The following GGT7 variants were observed in gnomAD, a reference collection of about 807,000 sequenced individuals.
GGT7 encodes the protein gamma-glutamyltransferase 7, also known as glutathione hydrolase 7.
In GGT7, 30 loss-of-function variants were observed where a neutral mutation model predicts 69.2. The ratio of observed to expected loss-of-function variants is 0.43; its 90% CI spans 0.32 to 0.59. The LOEUF is 0.59. Ranked by LOEUF, GGT7 falls within the 20% of genes least tolerant of loss-of-function variation. GGT7 has a pLI of 0.05. For missense variants in GGT7, 733 were observed against 901.1 expected, an observed-to-expected ratio of 0.81 and a Z score of 2.39; for synonymous variants, 388 against 391.8, an observed-to-expected ratio of 0.99 and a Z score of 0.12.
In GGT7 at chr20:34,862,843, G is replaced by C. The variant is rs774421001; in HGVS notation, c.528C>G (p.Ile176Met). Residue 176 changes from isoleucine (I) to methionine (M), a missense_variant, in exon 3 of 15, where the codon ATC becomes ATG. Physicochemically the swap from Ile to Met is conservative, Grantham distance 10. Transcript: ENST00000336431. ...CCAGGCCAGAACTGTGTGGAGCCACGATACCCAAACACAAGGCTGCTGCCA... is the reference window on the plus strand; with the variant it reads ...CCAGGCCAGAACTGTGTGGAGCCACCATACCCAAACACAAGGCTGCTGCCA... ...AAVAAALCLG[I>M]VAPHSSGLGG... 1.2e-5 allele frequency: 19 copies of C among 1,614,002 alleles called. No homozygotes were observed. In the Admixed American group the frequency reaches 2.2e-4, roughly 18 times the overall value.
intron 1 of GGT7, among the ~76,000 whole-genome samples, chr20:34,867,266 A>G (rs2079707140): frequency 6.6e-6 from 1 of 152,214 alleles, no homozygotes; most frequent in Non-Finnish European, 1.5e-5. Context: ...TTTTGAACTT[A>G]TATTTATTGA....
chr20:34,857,036 A>G, intron 7 of GGT7, 143 bp from the exon 8 acceptor site: 1 of 669,856 alleles, frequency 1.5e-6, no homozygotes, highest in Non-Finnish European at 2.7e-6. Context: ...TAGAGACCCC[A>G]TTATCCCTAG....
intron 2 of GGT7, 34 bp from the exon 3 acceptor site, chr20:34,862,999 A>G: frequency 6.3e-7 from 1 of 1,594,838 alleles, no homozygotes. Context: ...TGGGGGCAGG[A>G]GGAGCTGTCC....
chr20:34,845,529 A>T (rs1271862150), intron 14 of GGT7, 38 bp from the exon 15 acceptor site: 1 of 1,578,984 alleles, frequency 6.3e-7, no homozygotes, highest in Non-Finnish European at 8.7e-7. Context: ...TTCAGAATGT[A>T]CAGAGCACTA....
rs1319506689 is a variant in GGT7, at chr20:34,863,295, C to T, written c.405+18G>A. Reference sequence around the variant, plus strand: ...CCCACTCCCCAGTTTCCTCCCCCTCCCCATTTGTCCCCCTCACCTGGGGGT... The same window carrying T: ...CCCACTCCCCAGTTTCCTCCCCCTCTCCATTTGTCCCCCTCACCTGGGGGT... On this transcript the variant is annotated intron_variant, in intron 2 of 14. Transcript: ENST00000336431. The surrounding 1 kb of genome is among the most constrained non-coding windows in gnomAD (Gnocchi z 4.4). The T allele has an allele frequency of 1.9e-6, 3 of 1,566,870 alleles. No homozygotes were observed. The highest frequency in any genetic ancestry group is 2.2e-5 in the South Asian group (2 of 89,198).
chr20:34,857,875 T>TCC (rs1383776285), intron 7 of GGT7, among the ~76,000 whole-genome samples: 11 of 152,224 alleles, frequency 7.2e-5, no homozygotes, highest in Admixed American at 1.3e-4. Flanking sequence ...CATCTTGGCC[T>TCC]CCCAAAGTGG....
At chr20:34,862,125 C>T (rs1305503036) in intron 3 of GGT7, among the ~76,000 whole-genome samples, 1 of 152,042 alleles carries the variant, frequency 6.6e-6, no homozygotes, top group African/African-American at 2.4e-5. Flanking sequence ...CAAACTAAGG[C>T]AAGCAGGACA....
chr20:34,849,685 G>A (rs914657452), intron 14 of GGT7, among the ~76,000 whole-genome samples: 2 of 152,220 alleles, frequency 1.3e-5, no homozygotes, highest in Non-Finnish European at 2.9e-5. Flanking sequence ...AAACTGTTGA[G>A]TAAATGAAAG....
intron 13 of GGT7, chr20:34,850,312 A>G: frequency 1.5e-6 from 1 of 657,456 alleles, no homozygotes; most frequent in Non-Finnish European, 2.8e-6. Context: ...AAGATACACC[A>G]CTAGAACCAA....
intron 1 of GGT7, among the ~76,000 whole-genome samples, chr20:34,871,553 A>C (rs1466658069): frequency 1.3e-5 from 2 of 152,148 alleles, no homozygotes; most frequent in Non-Finnish European, 2.9e-5. Context: ...CCCCCACCCC[A>C]TACAGAGTGC....
intron 14 of GGT7, among the ~76,000 whole-genome samples, chr20:34,848,589 G>A (rs961680527): frequency 3.9e-5 from 6 of 152,216 alleles, no homozygotes; most frequent in African/African-American, 1.2e-4. Flanking sequence ...TCCAAGTGTC[G>A]CTGGCCAACC....
chr20:34,872,628 C>T lies in GGT7; in HGVS notation c.169+19G>A. The T allele has an allele frequency of 7.0e-7, 1 of 1,437,454 alleles. No homozygotes were observed. The highest frequency in any genetic ancestry group is 1.5e-5 in the African/African-American group (1 of 67,136). 89.0% of individuals were successfully genotyped at this position (1,437,454 alleles called of 1,614,324 possible). On this transcript the variant is annotated intron_variant, in intron 1 of 14. Coordinates refer to ENST00000336431, the MANE Select transcript of GGT7 (RefSeq NM_178026.3). ...GGGACTTCCCAAGGCAGGGCAGGGA[C>T]GGGGTCAGCGGGCCTCACCGGTGTC...
chr20:34,846,047 A>C (rs2079299704), intron 14 of GGT7, among the ~76,000 whole-genome samples: 1 of 150,094 alleles, frequency 6.7e-6, no homozygotes, highest in Admixed American at 6.6e-5. Flanking sequence ...TCTGGGCAAA[A>C]GAGCAAAACC....
chr20:34,852,630 T>A, intron 10 of GGT7, 92 bp from the exon 11 acceptor site: 1 of 1,233,776 alleles, frequency 8.1e-7, no homozygotes, highest in East Asian at 2.5e-5. Context: ...AATTATTTGA[T>A]GAAATCTACC....
rs1026041708 is a variant in GGT7, at chr20:34,859,782, A to G, written c.818-143T>C. 4.9e-6 allele frequency: 4 copies of G among 821,936 alleles called. No individual in the cohort carries two copies. The African/African-American group carries it at 6.9e-5, about 14-fold the overall frequency. 50.9% of individuals were successfully genotyped at this position (821,936 alleles called of 1,614,324 possible). A position where few individuals can be genotyped will look rare whatever the true frequency, so the allele number is the denominator to read the frequency against. ...GGAGCCTGTTAAGTGCGAGGCAGGG[A>G]TGTCTAAGGGCCCTTCCCAGACCCC... On this transcript the variant is annotated intron_variant, in intron 6 of 14. Transcript: ENST00000336431.
In GGT7 at chr20:34,845,133, CCA is replaced by C; in HGVS notation, c.*193_*194del. On this transcript the variant is annotated 3_prime_UTR_variant, in exon 15 of 15. Transcript: ENST00000336431. ...ACACTCACCACCACCACCACCACCACCACCACCACCACCACCACCACAGGCCT... is the reference window on the plus strand; with the variant it reads ...ACACTCACCACCACCACCACCACCACCCACCACCACCACCACCACAGGCCT... 2.6e-5 allele frequency: 12 copies of C among 459,678 alleles called. No individual in the cohort carries two copies. Among genetic ancestry groups the C allele is most frequent in the East Asian group, 3.8e-5 (1 of 26,512 alleles). 28.5% of individuals were successfully genotyped at this position (459,678 alleles called of 1,614,324 possible).
chr20:34,857,034 C>G (rs906408771), intron 7 of GGT7, 141 bp from the exon 8 acceptor site: 4 of 671,266 alleles, frequency 6.0e-6, no homozygotes, highest in Non-Finnish European at 1.1e-5. Flanking sequence ...TTTAGAGACC[C>G]CATTATCCCT....
Position 34,852,169 on chromosome 20 carries a change from A to G in GGT7, c.1573T>C (p.Ser525Pro). 1 of 1,608,344 alleles carries G rather than the reference A, an allele frequency of 6.2e-7. No individual in the cohort carries two copies. Among genetic ancestry groups the G allele is most frequent in the Non-Finnish European group, 8.5e-7 (1 of 1,174,764 alleles). ...GCAAATCCTACCAGGCTGGGTGCAG[A>G]GTGGTTAGCTGTCCGGTTGGGCCAG... is the stretch of plus-strand genomic sequence containing the variant. ...FSWPNRTANH[S>P]APSLENSVQP... The change falls in exon 12 of 15, where the codon TCT becomes CCT. Residue 525 changes from serine (S) to proline (P), a missense_variant. By Grantham distance (74) the Ser-to-Pro change is moderately conservative. Transcript: ENST00000336431.
chr20:34,845,126 A>ACCACCC lies in GGT7; in HGVS notation c.*201_*202insGGGTGG, dbSNP rs2079280000. On this transcript the variant is annotated 3_prime_UTR_variant, in exon 15 of 15. Coordinates refer to ENST00000336431, the MANE Select transcript of GGT7 (RefSeq NM_178026.3). ...GATGCTGACACTCACCACCACCACC[A>ACCACCC]CCACCACCACCACCACCACCACCAC... 2 of 359,868 alleles carry ACCACCC rather than the reference A, an allele frequency of 5.6e-6. No homozygotes were observed. Among genetic ancestry groups the ACCACCC allele is most frequent in the South Asian group, 4.7e-5 (2 of 42,224 alleles). 22.3% of individuals were successfully genotyped at this position (359,868 alleles called of 1,614,324 possible). A position where few individuals can be genotyped will look rare whatever the true frequency, so the allele number is the denominator to read the frequency against.
Sources: allele counts gnomAD v4.1 joint callset (sites outside exome capture counted in the v4.1 genomes callset), GRCh38; gene constraint gnomAD v4.1.1; non-coding constraint Gnocchi (gnomAD v3.1); transcripts MANE v1.5; gene names NCBI Gene and HGNC (gene_info 2026-07-23, HGNC 2026-07-21).